The following ZNF385D variants were observed in gnomAD, a reference collection of about 807,000 sequenced individuals.
The protein encoded by ZNF385D is zinc finger protein 385D.
In ZNF385D, 15 loss-of-function variants were observed where a neutral mutation model predicts 35.8. That is an observed-to-expected ratio of 0.42 (90% CI 0.28 to 0.64). The LOEUF (loss-of-function observed/expected upper bound fraction) is 0.64. Ranked by LOEUF, ZNF385D falls within the 30% of genes least tolerant of loss-of-function variation. The pLI, the probability that ZNF385D is intolerant of heterozygous loss-of-function variation, is 0.23. For missense variants in ZNF385D, 474 were observed against 494.6 expected, an observed-to-expected ratio of 0.96 and a Z score of 0.39; for synonymous variants, 212 against 186.8, an observed-to-expected ratio of 1.13 and a Z score of -1.10.
At chr3:22,215,638 A>G (rs1233706590) in intron 2 of ZNF385D, among the ~76,000 whole-genome samples, 1 of 152,080 alleles carries the variant, frequency 6.6e-6, no homozygotes, top group African/African-American at 2.4e-5. Flanking sequence ...AAACTTCATT[A>G]GCAATTTTAA....
At chr3:22,306,075 G>A (rs1224811243) in intron 2 of ZNF385D, among the ~76,000 whole-genome samples, 1 of 152,120 alleles carries the variant, frequency 6.6e-6, no homozygotes, top group Non-Finnish European at 1.5e-5. Flanking sequence ...CCTTGTGGAA[G>A]GGCAAGAAAA....
Position 21,828,099 on chromosome 3 carries a change from A to T in ZNF385D, c.326-163071T>A, listed in dbSNP as rs146461068. 3.6e-3 allele frequency among the ~76,000 whole-genome samples: 554 copies of T among 152,364 alleles called. 2 individuals carry two copies. Among genetic ancestry groups the T allele is most frequent in the African/African-American group, 0.013 (530 of 41,588 alleles). On this transcript the variant is annotated intron_variant, in intron 3 of 5. Transcript: ENST00000494108. Reference sequence around the variant, plus strand: ...GGGAATATTATGTCTGTAAGCATAAATATAAACCATGAATTAACAAAATGT... The same window carrying T: ...GGGAATATTATGTCTGTAAGCATAATTATAAACCATGAATTAACAAAATGT...
At chr3:21,621,252 C>T (rs531461231) in intron 2 of ZNF385D, among the ~76,000 whole-genome samples, 1 of 152,102 alleles carries the variant, frequency 6.6e-6, no homozygotes, top group African/African-American at 2.4e-5. Flanking sequence ...CATTTATAAT[C>T]CAGTCTGAAT....
chr3:21,804,352 T>G (rs2072539286), intron 3 of ZNF385D, among the ~76,000 whole-genome samples: 2 of 152,186 alleles, frequency 1.3e-5, no homozygotes, highest in Admixed American at 6.5e-5. Flanking sequence ...CAAGTTGTAA[T>G]TAAAATGAAC....
intron 3 of ZNF385D, among the ~76,000 whole-genome samples, chr3:22,001,378 A>C (rs1456654317): frequency 2.0e-5 from 3 of 152,116 alleles, no homozygotes; most frequent in African/African-American, 7.2e-5. Flanking sequence ...AAAACAGTAA[A>C]AAGAGACAAA....
At chr3:21,593,793 T>G (rs925893284) in intron 2 of ZNF385D, among the ~76,000 whole-genome samples, 1 of 149,514 alleles carries the variant, frequency 6.7e-6, no homozygotes, top group East Asian at 2.0e-4. Flanking sequence ...AAAAAAAAAA[T>G]AAGCTAGCCC....
chr3:21,919,966 T>C (rs781695191), intron 3 of ZNF385D, among the ~76,000 whole-genome samples: 1 of 152,198 alleles, frequency 6.6e-6, no homozygotes, highest in Non-Finnish European at 1.5e-5. Flanking sequence ...CTAAATACCA[T>C]AAGAATAACA....
intron 3 of ZNF385D, among the ~76,000 whole-genome samples, chr3:22,034,889 C>T (rs1698218154): frequency 6.6e-6 from 1 of 151,976 alleles, no homozygotes; most frequent in Admixed American, 6.6e-5. Flanking sequence ...TAAAAGTCAG[C>T]CCGGAGATAT....
chr3:22,348,482 T>C (rs867290714), intron 2 of ZNF385D, among the ~76,000 whole-genome samples: 27 of 88,130 alleles, frequency 3.1e-4, no homozygotes, highest in South Asian at 9.4e-4. Flanking sequence ...ACTCCATCTC[T>C]ACTAAAAAAA....
chr3:21,541,718 A>G (rs2062181285), intron 3 of ZNF385D, among the ~76,000 whole-genome samples: 2 of 152,214 alleles, frequency 1.3e-5, no homozygotes, highest in African/African-American at 2.4e-5. Context: ...AAAAAAAGCA[A>G]GAGTCTTGAT....
At chr3:21,973,861 A>C (rs942802727) in intron 3 of ZNF385D, among the ~76,000 whole-genome samples, 1 of 151,922 alleles carries the variant, frequency 6.6e-6, no homozygotes, top group Non-Finnish European at 1.5e-5. Context: ...TGGGAATAAA[A>C]CAAAAAAGGT....
At chr3:21,851,019 A>C (rs1696350444) in intron 3 of ZNF385D, among the ~76,000 whole-genome samples, 1 of 152,088 alleles carries the variant, frequency 6.6e-6, no homozygotes, top group Non-Finnish European at 1.5e-5. Context: ...ACTAGGCAAT[A>C]AAAACAAATC....
At chr3:22,267,611 C>T (rs900992351) in intron 2 of ZNF385D, among the ~76,000 whole-genome samples, 1 of 151,850 alleles carries the variant, frequency 6.6e-6, no homozygotes, top group African/African-American at 2.4e-5. Flanking sequence ...AAATTCCCTT[C>T]AGCTTTATTA....
intron 2 of ZNF385D, among the ~76,000 whole-genome samples, chr3:22,190,602 A>G (rs1380056506): frequency 1.3e-5 from 2 of 152,210 alleles, no homozygotes. Flanking sequence ...ACCTAGTGAT[A>G]TGGGACAAGC....
chr3:22,087,853 A>G (rs938935025), intron 3 of ZNF385D, among the ~76,000 whole-genome samples: 4 of 152,210 alleles, frequency 2.6e-5, no homozygotes, highest in Non-Finnish European at 5.9e-5. Flanking sequence ...ATGATTATCC[A>G]AAAGCCTGTA....
chr3:22,289,848 C>T (rs530934587), intron 2 of ZNF385D, among the ~76,000 whole-genome samples: 211 of 152,242 alleles, frequency 1.4e-3, no homozygotes, highest in African/African-American at 4.5e-3. Flanking sequence ...TTAGAATACA[C>T]ACAGCTACTG....
At chr3:21,654,453 G>A (rs1006951716) in intron 2 of ZNF385D, among the ~76,000 whole-genome samples, 2 of 152,016 alleles carry the variant, frequency 1.3e-5, no homozygotes, top group African/African-American at 4.8e-5. Context: ...TAGCGCTAAA[G>A]GAATTTCAGT....
chr3:21,743,666 C>T (rs2069626652), intron 1 of ZNF385D, among the ~76,000 whole-genome samples: 2 of 152,176 alleles, frequency 1.3e-5, no homozygotes, highest in Non-Finnish European at 2.9e-5. Context: ...GAGGGTTCCA[C>T]CCAAATGGCT....
intron 2 of ZNF385D, among the ~76,000 whole-genome samples, chr3:22,284,745 T>A (rs1045931100): frequency 6.6e-6 from 1 of 152,134 alleles, no homozygotes; most frequent in Non-Finnish European, 1.5e-5. Flanking sequence ...GAATCATTCA[T>A]TCTTATGAAA....
Sources: gnomAD v4.1 joint callset for allele counts (sites outside exome capture counted in the v4.1 genomes callset) on GRCh38, gnomAD v4.1.1 for gene constraint, MANE v1.5 for transcripts, NCBI Gene and HGNC (gene_info 2026-07-23, HGNC 2026-07-21) for gene names.